Variants in EHBP1 observed in about 807,000 individuals in gnomAD.
The protein encoded by EHBP1 is EH domain binding protein 1, also known as EH domain-binding protein 1.
Under a neutral mutation model 144.0 loss-of-function variants are expected in EHBP1, and 55 were observed. The ratio of observed to expected loss-of-function variants is 0.38; its 90% CI spans 0.31 to 0.48. EHBP1 has a LOEUF of 0.48. Ranked by LOEUF, EHBP1 falls within the 20% of genes least tolerant of loss-of-function variation. The pLI, the probability that EHBP1 is intolerant of heterozygous loss-of-function variation, is 0.98. For missense variants in EHBP1, 1,200 were observed against 1,364.2 expected (o/e 0.88, Z 1.90); for synonymous variants, 469 against 472.7 (o/e 0.99, Z 0.10).
At chr2:62,690,592 T>A (rs1469239338) in intron 1 of EHBP1, among the ~76,000 whole-genome samples, 7 of 151,960 alleles carry the variant, frequency 4.6e-5, no homozygotes, top group Non-Finnish European at 5.9e-5. Flanking sequence ...ATAAAAAAAA[T>A]TGTTATACAA....
At chr2:62,867,654 G>T (rs1263154733) in intron 9 of EHBP1, among the ~76,000 whole-genome samples, 1 of 152,112 alleles carries the variant, frequency 6.6e-6, no homozygotes, top group African/African-American at 2.4e-5. Context: ...TATAAATTCA[G>T]TGCCATCCCA....
intron 2 of EHBP1, among the ~76,000 whole-genome samples, chr2:62,722,039 T>C (rs1051092431): frequency 4.6e-5 from 7 of 152,244 alleles, no homozygotes; most frequent in Non-Finnish European, 8.8e-5. Context: ...AGCTATTTTG[T>C]ATGTAATTTT....
At chr2:62,787,022 A>G (rs1043535598) in intron 5 of EHBP1, among the ~76,000 whole-genome samples, 9 of 152,204 alleles carry the variant, frequency 5.9e-5, no homozygotes, top group Admixed American at 5.9e-4. Context: ...GACATAAACC[A>G]AATATTACTG....
At chr2:62,943,244 C>T (rs1308852793) in intron 11 of EHBP1, among the ~76,000 whole-genome samples, 1 of 151,978 alleles carries the variant, frequency 6.6e-6, no homozygotes, top group Middle Eastern at 3.4e-3. Context: ...GGTGTGGTGG[C>T]GCATGCCTGA....
chr2:63,042,423 A>T (rs1287088465), intron 21 of EHBP1, among the ~76,000 whole-genome samples: 1 of 152,086 alleles, frequency 6.6e-6, no homozygotes. Context: ...TATTCACTGC[A>T]CATTGCTATT....
At chr2:62,790,565 C>G (rs2043104819) in intron 5 of EHBP1, among the ~76,000 whole-genome samples, 2 of 152,130 alleles carry the variant, frequency 1.3e-5, no homozygotes, top group African/African-American at 4.8e-5. Flanking sequence ...AAATAAGGCT[C>G]TACTCCTATA....
chr2:63,045,296 G>T lies in EHBP1; in HGVS notation c.3393-114G>T. ...GCCGGGGCAGCCTCCCACTGGCCTG[G>T]TGCTCCCCATTCCCGCTGGGGATCC... On this transcript the variant is annotated intron_variant, in intron 22 of 22. Coordinates refer to ENST00000431489, the MANE Select transcript of EHBP1 (RefSeq NM_001142616.3). The surrounding 1 kb of genome is among the most constrained non-coding windows in gnomAD (Gnocchi z 5.7). 1 of 1,357,740 alleles carries T rather than the reference G, an allele frequency of 7.4e-7. No homozygotes were observed. The highest frequency in any genetic ancestry group is 1.0e-6 in the Non-Finnish European group (1 of 969,244). 84.1% of individuals were successfully genotyped at this position (1,357,740 alleles called of 1,614,324 possible).
At chr2:62,926,766 A>G (rs2055548778) in intron 10 of EHBP1, among the ~76,000 whole-genome samples, 1 of 152,124 alleles carries the variant, frequency 6.6e-6, no homozygotes, top group African/African-American at 2.4e-5. Context: ...TATAGCCGCT[A>G]TGGAGAACAC....
rs1242170617 is a variant in EHBP1 at position 62,864,841 on chromosome 2, G to A, written c.868G>A (p.Glu290Lys). 6.2e-7 allele frequency: 1 copy of A among 1,614,012 alleles called. No homozygotes were observed. Among genetic ancestry groups the A allele is most frequent in the South Asian group, 1.1e-5 (1 of 91,072 alleles). Residue 290 changes from glutamate to lysine, a missense_variant, in exon 9 of 23, where the codon GAG (glutamate) becomes AAG (lysine). By Grantham distance (56) the Glu-to-Lys change is moderately conservative. This residue lies in a region of EHBP1 where 266 missense variants were observed against 262.4 expected (regional missense o/e 1.01). Transcript: ENST00000431489. ...TCCACAGTATTTGAACCCATTCGAT[G>A]AGCCAGAAGCATTTGTGACCATAAA... ...QTPQYLNPFD[E>K]PEAFVTIKDS...
chr2:62,939,307 C>T lies in EHBP1; in HGVS notation c.1186-3411C>T, dbSNP rs149907085. ...CTTTTCTTCTTGAGATGGAGTCTCG[C>T]TCTGTCGCCCAGGCTGGAGTGCAGT... On this transcript the variant is annotated intron_variant, in intron 10 of 22. Transcript: ENST00000431489. Among the ~76,000 whole-genome samples the T allele has an allele frequency of 1.5e-3, 223 of 152,188 alleles. 1 individual carries two copies. The highest frequency in any genetic ancestry group is 5.2e-3 in the African/African-American group (216 of 41,518).
chr2:62,761,190 T>A (rs2040739281), intron 3 of EHBP1, among the ~76,000 whole-genome samples: 1 of 152,152 alleles, frequency 6.6e-6, no homozygotes, highest in African/African-American at 2.4e-5. Context: ...GGAGATTGTT[T>A]ACTTTGTGGA....
intron 3 of EHBP1, among the ~76,000 whole-genome samples, 178 bp downstream of exon 3, chr2:62,747,630 GAGCCAGATACC>G (rs1450778342): frequency 6.6e-6 from 1 of 151,814 alleles, no homozygotes; most frequent in Non-Finnish European, 1.5e-5. Flanking sequence ...CTCAAAACGG[GAGCCAGATACC>G]TGAGTTTTGG....
intron 14 of EHBP1, among the ~76,000 whole-genome samples, chr2:62,962,335 A>G (rs1296349288): frequency 6.6e-6 from 1 of 152,228 alleles, no homozygotes; most frequent in Non-Finnish European, 1.5e-5. Context: ...ATAATAAAAT[A>G]AAAATAAAAA....
intron 1 of EHBP1, among the ~76,000 whole-genome samples, chr2:62,694,241 C>G (rs1159726179): frequency 6.6e-6 from 1 of 152,122 alleles, no homozygotes; most frequent in Non-Finnish European, 1.5e-5. Context: ...TTGAAGTTAT[C>G]AACAATATAC....
chr2:62,937,538 G>A (rs1259790182), intron 10 of EHBP1, among the ~76,000 whole-genome samples: 2 of 152,168 alleles, frequency 1.3e-5, no homozygotes, highest in African/African-American at 4.8e-5. Flanking sequence ...CCATAGGAAG[G>A]ACACAAAGAG....
intron 10 of EHBP1, among the ~76,000 whole-genome samples, chr2:62,923,416 G>A (rs1346959917): frequency 1.3e-5 from 2 of 152,202 alleles, no homozygotes. Context: ...GAGCAGCTAT[G>A]TGATTGCACC....
At chr2:62,868,159 T>C (rs2050184242) in intron 9 of EHBP1, among the ~76,000 whole-genome samples, 1 of 151,940 alleles carries the variant, frequency 6.6e-6, no homozygotes, top group Admixed American at 6.6e-5. Flanking sequence ...CGGATCACTT[T>C]AGGTCAGGAG....
chr2:62,934,950 G>A (rs1006569994), intron 10 of EHBP1, among the ~76,000 whole-genome samples: 1 of 152,124 alleles, frequency 6.6e-6, no homozygotes, highest in African/African-American at 2.4e-5. Context: ...AAAGAGTTTA[G>A]TTAACCCTTT....
At chr2:62,978,598 A>C (rs562340548) in intron 14 of EHBP1, among the ~76,000 whole-genome samples, 6 of 152,230 alleles carry the variant, frequency 3.9e-5, no homozygotes, top group Admixed American at 2.0e-4. Context: ...CTCAGTATAC[A>C]TTTGGGGAGA....
Sources: allele counts gnomAD v4.1 joint callset (sites outside exome capture counted in the v4.1 genomes callset), GRCh38; gene constraint gnomAD v4.1.1; regional missense constraint gnomAD v4.1.1; non-coding constraint Gnocchi (gnomAD v3.1); transcripts MANE v1.5; gene names NCBI Gene and HGNC (gene_info 2026-07-23, HGNC 2026-07-21).